AGPS: variants seen among roughly 807,000 people sequenced by gnomAD.
AGPS encodes alkylglycerone phosphate synthase.
In AGPS, 26 loss-of-function variants were observed where a neutral mutation model predicts 90.7. The ratio of observed to expected loss-of-function variants is 0.29; its 90% CI spans 0.21 to 0.40. The LOEUF (loss-of-function observed/expected upper bound fraction) is 0.40. Ranked by LOEUF, AGPS falls within the 10% of genes least tolerant of loss-of-function variation. The pLI is 1.00. For missense variants in AGPS, 540 were observed against 816.1 expected, an observed-to-expected ratio of 0.66 and a Z score of 4.12; for synonymous variants, 294 against 285.3, an observed-to-expected ratio of 1.03 and a Z score of -0.31.
At chr2:177,513,754 G>A (rs936214681) in intron 16 of AGPS, 65 bp from the exon 17 acceptor site, 3 of 1,213,216 alleles carry the variant, frequency 2.5e-6, no homozygotes, top group Non-Finnish European at 3.7e-6. Context: ...ATTAACCAAC[G>A]TTTATTAGCA....
intron 17 of AGPS, among the ~76,000 whole-genome samples, chr2:177,515,785 C>A (rs1314129629): frequency 6.6e-6 from 1 of 152,100 alleles, no homozygotes; most frequent in Non-Finnish European, 1.5e-5. Flanking sequence ...CTTATGTGTT[C>A]AGTTTCTGTG....
At chr2:177,464,491 A>G (rs896697061) in intron 9 of AGPS, among the ~76,000 whole-genome samples, 4 of 152,240 alleles carry the variant, frequency 2.6e-5, no homozygotes, top group Admixed American at 1.3e-4. Context: ...AAAGTTGAAG[A>G]TAGTTGTTTA....
At chr2:177,452,449 A>T (rs1158333049) in intron 8 of AGPS, among the ~76,000 whole-genome samples, 1 of 152,324 alleles carries the variant, frequency 6.6e-6, no homozygotes, top group South Asian at 2.1e-4. Flanking sequence ...GTGTGATAAC[A>T]TGCTTTGCTC....
In AGPS at chr2:177,439,279, A is replaced by G. The variant is rs150442923; in HGVS notation, c.638-1686A>G. On this transcript the variant is annotated intron_variant, in intron 5 of 19. Coordinates refer to ENST00000264167, the MANE Select transcript of AGPS (RefSeq NM_003659.4). ...GAGGGGAAACAGATAATCCACAAGT[A>G]AATATGTAACATATTGGGTAGTGTT... is the stretch of plus-strand genomic sequence containing the variant. Among the ~76,000 whole-genome samples, 39 of 152,332 alleles carry G rather than the reference A, an allele frequency of 2.6e-4. No homozygotes were observed. In the East Asian group the frequency reaches 6.0e-3, roughly 23 times the overall value.
At chr2:177,432,441 G>T (rs752081061) in intron 2 of AGPS, among the ~76,000 whole-genome samples, 1 of 152,158 alleles carries the variant, frequency 6.6e-6, no homozygotes, top group African/African-American at 2.4e-5. Context: ...CTGCCCATGT[G>T]TTCATCTCAC....
chr2:177,441,177 G>T lies in AGPS; in HGVS notation c.709+141G>T, dbSNP rs922018679. On this transcript the variant is annotated intron_variant, in intron 6 of 19. Coordinates refer to ENST00000264167, the MANE Select transcript of AGPS (RefSeq NM_003659.4). The stretch of plus-strand genomic sequence containing the variant: ...TTATTCTCAAAAATTGGTCAATGAT[G>T]CTCATTTTTGTTCTAAGTAGGATTC... 6.8e-6 allele frequency: 5 copies of T among 731,300 alleles called. No individual in the cohort carries two copies. The African/African-American group carries it at 7.1e-5, about 10-fold the overall frequency. The allele number at this position is 731,300 out of a possible 1,614,324, so 45.3% of individuals were successfully genotyped here. A position where few individuals can be genotyped will look rare whatever the true frequency, so the allele number is the denominator to read the frequency against.
intron 11 of AGPS, among the ~76,000 whole-genome samples, chr2:177,491,996 C>G (rs2044493): frequency 0.87 from 132,908 of 152,088 alleles, 58,209 homozygotes; most frequent in East Asian, 0.98. Context: ...ATGTTGGTCA[C>G]GCTGGTCTTG....
chr2:177,393,093 C>A, intron 1 of AGPS, 44 bp downstream of exon 1: 1 of 1,550,132 alleles, frequency 6.5e-7, no homozygotes, highest in Non-Finnish European at 8.7e-7. Flanking sequence ...AGGGACCAGG[C>A]CGGGCCTGTG....
chr2:177,529,650 A>G (rs1452680476), intron 19 of AGPS, among the ~76,000 whole-genome samples: 3 of 152,202 alleles, frequency 2.0e-5, no homozygotes, highest in Non-Finnish European at 4.4e-5. Context: ...CTGGAGAAGT[A>G]GGGTAAAATA....
chr2:177,484,145 T>G (rs974804246), intron 11 of AGPS, among the ~76,000 whole-genome samples: 4 of 152,150 alleles, frequency 2.6e-5, no homozygotes, highest in Non-Finnish European at 4.4e-5. Flanking sequence ...TCATTTTGTA[T>G]TATGATTTAT....
chr2:177,475,973 A>G (rs983246810), intron 10 of AGPS, among the ~76,000 whole-genome samples: 2 of 152,004 alleles, frequency 1.3e-5, no homozygotes, highest in Non-Finnish European at 2.9e-5. Context: ...AGTTGTTCAT[A>G]GTGTTCCTTT....
chr2:177,493,014 CT>C (rs1186163472), intron 11 of AGPS, 133 bp from the exon 12 acceptor site: 5 of 771,796 alleles, frequency 6.5e-6, no homozygotes, highest in Admixed American at 5.4e-5. Flanking sequence ...GAAAAGTTAA[CT>C]TTTTTTCCTC....
chr2:177,444,435 AAAAAAG>A (rs1356542529), intron 7 of AGPS, among the ~76,000 whole-genome samples: 2 of 151,614 alleles, frequency 1.3e-5, no homozygotes, highest in Non-Finnish European at 2.9e-5. Flanking sequence ...AAAAAAAAAA[AAAAAAG>A]AAAGAAAGAA....
At chr2:177,518,042 T>A (rs1044592634) in intron 17 of AGPS, among the ~76,000 whole-genome samples, 1 of 152,196 alleles carries the variant, frequency 6.6e-6, no homozygotes, top group East Asian at 1.9e-4. Flanking sequence ...ATTTATTAAG[T>A]CTCATTATTG....
intron 8 of AGPS, among the ~76,000 whole-genome samples, chr2:177,461,450 A>G (rs1011702990): frequency 2.0e-5 from 3 of 152,366 alleles, no homozygotes; most frequent in Non-Finnish European, 2.9e-5. Flanking sequence ...GGCCTGCTGC[A>G]TATTACATTA....
intron 1 of AGPS, among the ~76,000 whole-genome samples, chr2:177,412,279 G>A (rs1685642854): frequency 6.6e-6 from 1 of 152,178 alleles, no homozygotes; most frequent in African/African-American, 2.4e-5. Context: ...CAGAAGGAAA[G>A]GTGGGGTGCA....
chr2:177,513,947 A>G (rs1226251918), intron 17 of AGPS, 39 bp downstream of exon 17: 2 of 1,489,436 alleles, frequency 1.3e-6, no homozygotes, highest in South Asian at 1.1e-5. Flanking sequence ...CTTATTCTGA[A>G]AAAAATGTTT....
At chr2:177,481,221 A>T (rs1687934610) in intron 10 of AGPS, among the ~76,000 whole-genome samples, 1 of 152,086 alleles carries the variant, frequency 6.6e-6, no homozygotes, top group Non-Finnish European at 1.5e-5. Context: ...AAAATTTACT[A>T]ATAAAGTTAT....
chr2:177,456,408 A>G (rs1176303012), intron 8 of AGPS, among the ~76,000 whole-genome samples: 1 of 152,128 alleles, frequency 6.6e-6, no homozygotes, highest in African/African-American at 2.4e-5. Flanking sequence ...CGGTATGCAA[A>G]TTTTCTAGCA....
Sources: allele counts gnomAD v4.1 joint callset (sites outside exome capture counted in the v4.1 genomes callset), GRCh38; gene constraint gnomAD v4.1.1; transcripts MANE v1.5; gene names NCBI Gene and HGNC (gene_info 2026-07-23, HGNC 2026-07-21).